Variants in C8orf34 observed in about 807,000 individuals in gnomAD.
C8orf34 encodes chromosome 8 open reading frame 34, also known as uncharacterized protein C8orf34.
A neutral mutation model predicts 68.3 loss-of-function variants in C8orf34; 65 were observed. The ratio of observed to expected loss-of-function variants is 0.95; its 90% CI spans 0.78 to 1.17. The LOEUF is 1.17. C8orf34 is among the 50% of genes most tolerant of loss of function. The pLI, the probability that C8orf34 is intolerant of heterozygous loss-of-function variation, is 0.00. For synonymous variants in C8orf34, 244 were observed against 241.2 expected (o/e 1.01, Z -0.11); for missense variants, 664 against 655.4 (o/e 1.01, Z -0.14).
Position 68,607,018 on chromosome 8 carries a change from C to T in C8orf34, c.1106-33358C>T, listed in dbSNP as rs558007200. 2.6e-5 allele frequency among the ~76,000 whole-genome samples: 4 copies of T among 152,150 alleles called. No homozygotes were observed. The South Asian group carries it at 8.3e-4, about 32-fold the overall frequency. On this transcript the variant is annotated intron_variant, in intron 7 of 13. Coordinates refer to ENST00000518698, the MANE Select transcript of C8orf34 (RefSeq NM_052958.4). ...ACATTCACCAACATACTACATATCT[C>T]CAGATGTTTACCATTTGTGAGTGTT...
At chr8:68,792,286 A>T (rs1196987868) in intron 12 of C8orf34, 1 of 152,160 alleles carries the variant, frequency 6.6e-6, no homozygotes, top group African/African-American at 2.4e-5. Context: ...ATATTTAAAG[A>T]TATAGATCAG....
chr8:68,790,355 A>G (rs1193361072), intron 12 of C8orf34, among the ~76,000 whole-genome samples: 2 of 152,232 alleles, frequency 1.3e-5, no homozygotes, highest in African/African-American at 2.4e-5. Flanking sequence ...CAAGTTTATC[A>G]TTTCAACAAC....
chr8:68,774,944 T>TAAAAAAAAAAAAAAAAAAAAAAAAAAAAA (rs1224756627), intron 10 of C8orf34, among the ~76,000 whole-genome samples: 6 of 44,676 alleles, frequency 1.3e-4, no homozygotes, highest in Admixed American at 2.7e-4. Flanking sequence ...CTGTCTCCAC[T>TAAAAAAAAAAAAAAAAAAAAAAAAAAAAA]AAAAAAAAAA....
chr8:68,355,228 C>A (rs1444698761), intron 1 of C8orf34, among the ~76,000 whole-genome samples: 4 of 152,074 alleles, frequency 2.6e-5, no homozygotes, highest in South Asian at 2.1e-4. Context: ...TAATGTATAA[C>A]CCCCCTGCCC....
intron 7 of C8orf34, chr8:68,533,804 A>G: frequency 1.0e-6 from 1 of 981,080 alleles, no homozygotes; most frequent in Middle Eastern, 5.2e-4. Context: ...TCTTTGGAAC[A>G]TCATTTTTCT....
At chr8:68,517,270 A>G (rs995424002) in intron 5 of C8orf34, among the ~76,000 whole-genome samples, 1 of 152,198 alleles carries the variant, frequency 6.6e-6, no homozygotes, top group African/African-American at 2.4e-5. Context: ...TATAAATAAT[A>G]TAACCAAAAC....
At chr8:68,434,313 G>A (rs1415966864) in intron 1 of C8orf34, among the ~76,000 whole-genome samples, 2 of 152,140 alleles carry the variant, frequency 1.3e-5, no homozygotes, top group Non-Finnish European at 2.9e-5. Flanking sequence ...CCCAGTGTGT[G>A]ATGTGAGGTC....
intron 1 of C8orf34, among the ~76,000 whole-genome samples, chr8:68,393,911 A>G (rs1586044628): frequency 6.6e-6 from 1 of 152,024 alleles, no homozygotes; most frequent in East Asian, 1.9e-4. Context: ...TCTAGGGGAG[A>G]GATGATGGTG....
At chr8:68,376,355 A>G (rs1807799320) in intron 1 of C8orf34, among the ~76,000 whole-genome samples, 1 of 152,204 alleles carries the variant, frequency 6.6e-6, no homozygotes, top group Non-Finnish European at 1.5e-5. Context: ...TAGGTTTAGA[A>G]TGATGGAAGC....
intron 12 of C8orf34, chr8:68,791,133 C>G (rs1160709392): frequency 4.5e-6 from 2 of 446,226 alleles, no homozygotes; most frequent in African/African-American, 2.0e-5. Flanking sequence ...AAAGAACTGC[C>G]TGAGACTGGG....
At chr8:68,671,702 T>C (rs1293925610) in intron 8 of C8orf34, among the ~76,000 whole-genome samples, 1 of 152,214 alleles carries the variant, frequency 6.6e-6, no homozygotes, top group East Asian at 1.9e-4. Flanking sequence ...ATTTAATTTA[T>C]AATTTAAAGT....
chr8:68,536,989 A>G (rs1815504230), intron 7 of C8orf34, among the ~76,000 whole-genome samples: 1 of 152,158 alleles, frequency 6.6e-6, no homozygotes, highest in African/African-American at 2.4e-5. Flanking sequence ...AATAAAAACA[A>G]TTTACTAGAA....
chr8:68,629,699 A>G (rs962185513), intron 7 of C8orf34, among the ~76,000 whole-genome samples: 2 of 152,198 alleles, frequency 1.3e-5, no homozygotes, highest in South Asian at 2.1e-4. Context: ...AGAAAGATCA[A>G]GTTTCTATTC....
chr8:68,421,586 C>T (rs1296136154), intron 1 of C8orf34, among the ~76,000 whole-genome samples: 1 of 152,102 alleles, frequency 6.6e-6, no homozygotes, highest in Non-Finnish European at 1.5e-5. Flanking sequence ...CATAAAAACC[C>T]TAGGCTACTC....
intron 5 of C8orf34, among the ~76,000 whole-genome samples, chr8:68,488,260 C>T (rs1409786950): frequency 6.6e-6 from 1 of 152,054 alleles, no homozygotes; most frequent in African/African-American, 2.4e-5. Context: ...GAGTCAAGGC[C>T]TTTAGAATTT....
intron 10 of C8orf34, among the ~76,000 whole-genome samples, chr8:68,756,142 G>T (rs1433607188): frequency 6.6e-6 from 1 of 151,664 alleles, no homozygotes; most frequent in Non-Finnish European, 1.5e-5. Flanking sequence ...TATGAGAGCC[G>T]CCAGTGGCCT....
intron 7 of C8orf34, among the ~76,000 whole-genome samples, chr8:68,639,973 G>A (rs1191704250): frequency 6.6e-6 from 1 of 152,164 alleles, no homozygotes. Flanking sequence ...GTTTTGTGTG[G>A]TTGGTTCTGA....
intron 8 of C8orf34, among the ~76,000 whole-genome samples, chr8:68,663,144 A>C (rs1342382217): frequency 6.6e-6 from 1 of 152,220 alleles, no homozygotes; most frequent in Non-Finnish European, 1.5e-5. Flanking sequence ...ATCAATCTGC[A>C]TAACAAAGCT....
intron 5 of C8orf34, among the ~76,000 whole-genome samples, chr8:68,499,673 T>C (rs1212357789): frequency 1.3e-5 from 2 of 152,178 alleles, no homozygotes; most frequent in African/African-American, 2.4e-5. Context: ...CCCCAGAAGA[T>C]ACTTGTTAAT....
Sources: gnomAD v4.1 joint callset for allele counts (sites outside exome capture counted in the v4.1 genomes callset) on GRCh38, gnomAD v4.1.1 for gene constraint, MANE v1.5 for transcripts, NCBI Gene and HGNC (gene_info 2026-07-23, HGNC 2026-07-21) for gene names.